Variants in CD163 observed in about 807,000 individuals in gnomAD.
CD163 encodes the protein CD163 molecule.
Under a neutral mutation model 129.2 loss-of-function variants are expected in CD163, and 64 were observed. That is an observed-to-expected ratio of 0.50 (90% CI 0.41 to 0.61). The LOEUF (loss-of-function observed/expected upper bound fraction) is 0.61, where lower values mean the gene tolerates loss of function less well. Ranked by LOEUF, CD163 falls within the 20% of genes least tolerant of loss-of-function variation. The probability of loss-of-function intolerance (pLI) is 0.00; values close to 1 mark genes in which losing one functional copy is unlikely to be tolerated. For synonymous variants in CD163, 446 were observed against 478.5 expected (o/e 0.93, Z 0.89); for missense variants, 1,061 against 1,377.9 (o/e 0.77, Z 3.64).
In CD163 at chr12:7,487,756, T is replaced by C. The variant is rs1270120478; in HGVS notation, c.1735+17A>G. 4 of 1,613,984 alleles carry C rather than the reference T, an allele frequency of 2.5e-6. No individual in the cohort carries two copies. The South Asian group carries it at 3.3e-5, about 13-fold the overall frequency. ...TCACAGTATGAGAACCAATTAAAGA[T>C]GTTTTCTGGGTCTTACTTGAGCAGA... On this transcript the variant is annotated intron_variant, in intron 7 of 16. Coordinates refer to ENST00000432237, the MANE Select transcript of CD163 (RefSeq NM_203416.4). The surrounding 1 kb of genome is among the most constrained non-coding windows in gnomAD (Gnocchi z 5.1).
chr12:7,483,257 C>G (rs1301215448), intron 12 of CD163, 110 bp downstream of exon 12: 3 of 1,007,104 alleles, frequency 3.0e-6, no homozygotes, highest in Admixed American at 2.7e-5. Flanking sequence ...TCTGAGAATC[C>G]CCACCAGATC....
chr12:7,473,491 G>C (rs1311339643), intron 16 of CD163, among the ~76,000 whole-genome samples: 1 of 152,126 alleles, frequency 6.6e-6, no homozygotes, highest in Non-Finnish European at 1.5e-5. Context: ...ATGAGTGAAG[G>C]ATAAATAAGA....
intron 6 of CD163, among the ~76,000 whole-genome samples, chr12:7,492,612 C>T (rs1027087302): frequency 2.5e-4 from 38 of 152,030 alleles, no homozygotes; most frequent in Admixed American, 6.6e-5. Flanking sequence ...ATTTGCATGA[C>T]GTGGATTCTC....
Position 7,485,003 on chromosome 12 carries a change from G to A in CD163, c.2779+93C>T. The A allele has an allele frequency of 8.7e-7, 1 of 1,145,528 alleles. No individual in the cohort carries two copies. 71.0% of individuals were successfully genotyped at this position (1,145,528 alleles called of 1,614,324 possible). On this transcript the variant is annotated intron_variant, in intron 11 of 16. Transcript: ENST00000432237. This position sits in a 1 kb window ranked among gnomAD's most constrained non-coding sequence, Gnocchi z 4.5. ...ATTCAATCTAACAATTTAAGCCAGT[G>A]TGAGAATAGGAAAATAAAATCCAGT... is the stretch of plus-strand genomic sequence containing the variant.
At chr12:7,494,177 G>A (rs1192592859) in intron 6 of CD163, among the ~76,000 whole-genome samples, 1 of 152,130 alleles carries the variant, frequency 6.6e-6, no homozygotes, top group Admixed American at 6.5e-5. Flanking sequence ...GAAAAGAATT[G>A]GATAGTAGTG....
rs1212648661 is a variant in CD163 at position 7,488,031 on chromosome 12, C to T, written c.1477G>A (p.Val493Met). ...GDIPCSGRVE[V>M]KHGDTWGSIC... is the part of the protein sequence containing the mutation. ...GAGCCCCACGTGTCACCATGCTTCA[C>T]TTCAACACGTCCAGAACAGGGAATG... The change falls in exon 7 of 17, where the codon GTG becomes ATG. Residue 493 changes from valine to methionine, a missense_variant. Val to Met is a conservative substitution (Grantham distance 21). Coordinates refer to ENST00000432237, the MANE Select transcript of CD163 (RefSeq NM_203416.4). The T allele has an allele frequency of 4.3e-6, 7 of 1,614,100 alleles. No individual in the cohort carries two copies. The highest frequency in any genetic ancestry group is 4.0e-5 in the African/African-American group (3 of 75,054).
At chr12:7,474,592 T>A (rs1030477231) in intron 16 of CD163, among the ~76,000 whole-genome samples, 26 of 152,080 alleles carry the variant, frequency 1.7e-4, no homozygotes, top group Admixed American at 1.5e-3. Flanking sequence ...AAGAGGGAAA[T>A]GTATAGCACT....
At position 7,486,406 on chromosome 12, in the gene CD163, T is replaced by C. The variant is rs1949248665; in HGVS notation, c.2458+93A>G. The stretch of plus-strand genomic sequence containing the variant: ...CACAATAGTTCCTTTTGGATCAACT[T>C]TTCAGGAAAATCTTTAAGATTAATA... On this transcript the variant is annotated intron_variant, in intron 10 of 16. Coordinates refer to ENST00000432237, the MANE Select transcript of CD163 (RefSeq NM_203416.4). The C allele has an allele frequency of 2.3e-6, 3 of 1,288,496 alleles. No homozygotes were observed. In the East Asian group the frequency reaches 7.0e-5, roughly 30 times the overall value. The allele number at this position is 1,288,496 out of a possible 1,614,324, so 79.8% of individuals were successfully genotyped here.
At chr12:7,481,524 G>A (rs766651002) in intron 14 of CD163, among the ~76,000 whole-genome samples, 3 of 151,988 alleles carry the variant, frequency 2.0e-5, no homozygotes, top group Non-Finnish European at 4.4e-5. Flanking sequence ...TAACTCACTG[G>A]AGCTTTTCTT....
In CD163 at chr12:7,501,415, T is replaced by C; in HGVS notation, c.181A>G (p.Ser61Gly). The part of the protein sequence containing the change: ...LRLVDGENKC[S>G]GRVEVKVQEE... ...TGGACTTTCACTTCCACTCTCCCGCTACACTTGTTTTCACCATCCACTAGC... is the reference window on the plus strand; with the variant it reads ...TGGACTTTCACTTCCACTCTCCCGCCACACTTGTTTTCACCATCCACTAGC... The change falls in exon 3 of 17, where the codon AGC becomes GGC. Residue 61 changes from serine (S) to glycine (G), a missense_variant. Coordinates refer to ENST00000432237, the MANE Select transcript of CD163 (RefSeq NM_203416.4). 1 of 1,613,968 alleles carries C rather than the reference T, an allele frequency of 6.2e-7. No homozygotes were observed. Among genetic ancestry groups the C allele is most frequent in the South Asian group, 1.1e-5 (1 of 91,084 alleles).
In CD163 at chr12:7,485,439, T is replaced by G. The variant is rs757950508; in HGVS notation, c.2459-23A>C. 77 of 1,581,888 alleles carry G rather than the reference T, an allele frequency of 4.9e-5. No homozygotes were observed. In the South Asian group the frequency reaches 8.0e-4, roughly 16 times the overall value. ...ATTCTGCAGCGAAACATAGAATTAGTAGTTTTGCATCTTTTCTGAAGATTC... is the reference window on the plus strand; with the variant it reads ...ATTCTGCAGCGAAACATAGAATTAGGAGTTTTGCATCTTTTCTGAAGATTC... On this transcript the variant is annotated intron_variant, in intron 10 of 16. Coordinates refer to ENST00000432237, the MANE Select transcript of CD163 (RefSeq NM_203416.4). This position sits in a 1 kb window ranked among gnomAD's most constrained non-coding sequence, Gnocchi z 4.5.
chr12:7,483,997 C>T (rs765771939), intron 11 of CD163, among the ~76,000 whole-genome samples: 86 of 150,988 alleles, frequency 5.7e-4, no homozygotes, highest in African/African-American at 2.0e-3. Flanking sequence ...CCCACCACCA[C>T]ACCCGGCTAA....
At chr12:7,474,663 A>G (rs970276621) in intron 16 of CD163, among the ~76,000 whole-genome samples, 1 of 152,228 alleles carries the variant, frequency 6.6e-6, no homozygotes, top group Non-Finnish European at 1.5e-5. Context: ...CACAATTAAA[A>G]GAACTAGAGA....
Position 7,503,638 on chromosome 12 carries a change from C to G in CD163, c.46+7G>C, listed in dbSNP as rs765516087. 1.1e-5 allele frequency: 17 copies of G among 1,587,210 alleles called. No homozygotes were observed. In the East Asian group the frequency reaches 2.7e-4, roughly 25 times the overall value. On this transcript the variant is annotated splice_region_variant and intron_variant, in intron 1 of 16. Transcript: ENST00000432237. ...GGGGAAATGTAGAATAAATGAGAAG[C>G]TTTTACCAGCAGATCCAGAGTCTTC...
At chr12:7,477,388 A>G (rs990522390) in intron 16 of CD163, among the ~76,000 whole-genome samples, 1 of 152,220 alleles carries the variant, frequency 6.6e-6, no homozygotes, top group Non-Finnish European at 1.5e-5. Context: ...CATACACACC[A>G]TGGAATACTA....
In CD163 at chr12:7,483,617, A is replaced by G. The variant is rs757152352; in HGVS notation, c.2838T>C (p.His946=). The change falls in exon 12 of 17, where the codon CAT becomes CAC. Residue 946 remains histidine, a synonymous_variant. Coordinates refer to ENST00000432237, the MANE Select transcript of CD163 (RefSeq NM_203416.4). ...TSCSGRVEIW[H]GGSWGTVCDD... is the part of the protein sequence containing the mutation. ...CACACACTGTCCCCCAGGAACCTCCATGCCAGATCTCCACACGTCCAGAAC... is the reference window on the plus strand; with the variant it reads ...CACACACTGTCCCCCAGGAACCTCCGTGCCAGATCTCCACACGTCCAGAAC... The G allele has an allele frequency of 1.2e-6, 2 of 1,613,096 alleles. No homozygotes were observed. Among genetic ancestry groups the G allele is most frequent in the Non-Finnish European group, 1.7e-6 (2 of 1,179,798 alleles).
At position 7,483,402 on chromosome 12, in the gene CD163, C is replaced by T. The variant is rs1949191014; in HGVS notation, c.3053G>A (p.Cys1018Tyr). The change falls in exon 12 of 17, where the codon TGT becomes TAT. Residue 1018 changes from cysteine (C) to tyrosine (Y), a missense_variant. Coordinates refer to ENST00000432237, the MANE Select transcript of CD163 (RefSeq NM_203416.4). Reference protein sequence around the residue: ...CPARRWGHSECGHKEDAAVNC... With the variant: ...CPARRWGHSEYGHKEDAAVNC... ...CACTGCAGCGTCTTCCTTGTGCCCA[C>T]ACTCACTATGGCCCCAGCGTCTGGC... The T allele has an allele frequency of 6.2e-7, 1 of 1,614,020 alleles. No individual in the cohort carries two copies. The highest frequency in any genetic ancestry group is 1.1e-5 in the South Asian group (1 of 91,062).
At chr12:7,494,235 A>G (rs943989068) in intron 6 of CD163, among the ~76,000 whole-genome samples, 7 of 152,230 alleles carry the variant, frequency 4.6e-5, no homozygotes, top group African/African-American at 1.4e-4. Flanking sequence ...CCATGTGATT[A>G]TATTGCCTGG....
chr12:7,499,865 A>G (rs1433493730), intron 3 of CD163, among the ~76,000 whole-genome samples: 3 of 152,224 alleles, frequency 2.0e-5, no homozygotes, highest in Non-Finnish European at 2.9e-5. Flanking sequence ...GAGGATCTTC[A>G]GCACCTGTTA....
Sources: allele counts gnomAD v4.1 joint callset (sites outside exome capture counted in the v4.1 genomes callset), GRCh38; gene constraint gnomAD v4.1.1; non-coding constraint Gnocchi (gnomAD v3.1); transcripts MANE v1.5; gene names NCBI Gene and HGNC (gene_info 2026-07-23, HGNC 2026-07-21).